COG6: variants seen among roughly 807,000 people sequenced by gnomAD.
COG6 encodes the protein component of oligomeric golgi complex 6.
Under a neutral mutation model 88.8 loss-of-function variants are expected in COG6, and 74 were observed. That is an observed-to-expected ratio of 0.83 (90% CI 0.69 to 1.01). The LOEUF is 1.01. COG6 is among the 50% of genes least tolerant of loss of function. The probability of loss-of-function intolerance (pLI) is 0.00; values close to 1 mark genes in which losing one functional copy is unlikely to be tolerated. For missense variants in COG6, 800 were observed against 797.9 expected, an observed-to-expected ratio of 1.00 and a Z score of -0.03; for synonymous variants, 286 against 278.7, an observed-to-expected ratio of 1.03 and a Z score of -0.26.
chr13:39,698,515 A>T (rs183511560), intron 12 of COG6, among the ~76,000 whole-genome samples: 1 of 151,946 alleles, frequency 6.6e-6, no homozygotes, highest in Non-Finnish European at 1.5e-5. Context: ...CTATGTAAGA[A>T]TTTACCTAAT....
At chr13:39,779,129 T>G (rs1881554245) in intron 18 of COG6, among the ~76,000 whole-genome samples, 1 of 152,192 alleles carries the variant, frequency 6.6e-6, no homozygotes, top group Non-Finnish European at 1.5e-5. Flanking sequence ...AGCTTTATGC[T>G]CCAATTTTTT....
intron 13 of COG6, among the ~76,000 whole-genome samples, chr13:39,701,095 T>A (rs534697603): frequency 2.0e-5 from 3 of 152,016 alleles, no homozygotes; most frequent in African/African-American, 7.2e-5. Context: ...TGAAACTGTT[T>A]TTATTCATAC....
intron 13 of COG6, among the ~76,000 whole-genome samples, chr13:39,712,703 C>T (rs1878308508): frequency 6.6e-6 from 1 of 152,152 alleles, no homozygotes; most frequent in African/African-American, 2.4e-5. Context: ...AGGGAGTATG[C>T]TTTGAATATA....
At chr13:39,692,487 C>T (rs943591161) in intron 11 of COG6, among the ~76,000 whole-genome samples, 3 of 151,948 alleles carry the variant, frequency 2.0e-5, no homozygotes, top group African/African-American at 7.2e-5. Flanking sequence ...GAATATTGTA[C>T]ACAATATAGT....
intron 18 of COG6, among the ~76,000 whole-genome samples, chr13:39,747,616 G>A (rs1880411769): frequency 6.6e-6 from 1 of 151,866 alleles, no homozygotes; most frequent in Admixed American, 6.6e-5. Flanking sequence ...AATTTAAAAT[G>A]AATTTTAAAC....
In COG6 at chr13:39,718,301, C is replaced by T. The variant is rs559219515; in HGVS notation, c.1285-935C>T. ...CATGAAACCATCTTATAATAAATGC[C>T]GATATTTGAAAATTCTTACACCTTT... is the stretch of plus-strand genomic sequence containing the variant. On this transcript the variant is annotated intron_variant, in intron 13 of 18. Coordinates refer to ENST00000455146, the MANE Select transcript of COG6 (RefSeq NM_020751.3). Among the ~76,000 whole-genome samples the T allele has an allele frequency of 7.1e-4, 108 of 151,946 alleles. 1 individual carries two copies. Among genetic ancestry groups the T allele is most frequent in the Non-Finnish European group, 1.1e-3 (72 of 67,958 alleles).
chr13:39,748,938 A>G (rs147445894), intron 18 of COG6, among the ~76,000 whole-genome samples: 1 of 152,338 alleles, frequency 6.6e-6, no homozygotes, highest in Admixed American at 6.5e-5. Flanking sequence ...ACAGATGCAT[A>G]TATTTCCACA....
intron 10 of COG6, among the ~76,000 whole-genome samples, chr13:39,688,691 A>C (rs972145374): frequency 1.7e-4 from 26 of 152,172 alleles, no homozygotes; most frequent in African/African-American, 6.0e-4. Flanking sequence ...TATGTACTAA[A>C]TGTACTTAAA....
rs1876188702 is a variant in COG6, at chr13:39,679,607, C to A, written c.610C>A (p.Gln204Lys). The A allele has an allele frequency of 1.3e-6, 2 of 1,594,980 alleles. No individual in the cohort carries two copies. Among genetic ancestry groups the A allele is most frequent in the Non-Finnish European group, 1.7e-6 (2 of 1,162,776 alleles). ...NDVKVLLRTN[Q>K]QTAGLEIMEQ... Reference sequence around the variant, plus strand: ...TGTCAAAGTTCTCTTGCGTACAAATCAACAAACGGCAGGGTGAGTAACTGC... The same window carrying A: ...TGTCAAAGTTCTCTTGCGTACAAATAAACAAACGGCAGGGTGAGTAACTGC... The change falls in exon 6 of 19, where the codon CAA (glutamine) becomes AAA (lysine). Residue 204 changes from glutamine to lysine, a missense_variant. Gln to Lys is a moderately conservative substitution (Grantham distance 53). Coordinates refer to ENST00000455146, the MANE Select transcript of COG6 (RefSeq NM_020751.3).
chr13:39,756,915 C>CA (rs1432278954), downstream of COG6, among the ~76,000 whole-genome samples: 3 of 151,940 alleles, frequency 2.0e-5, no homozygotes, highest in African/African-American at 4.8e-5. Context: ...GGACGCTAGA[C>CA]AAAAAAATCA....
intron 18 of COG6, among the ~76,000 whole-genome samples, chr13:39,768,538 A>G (rs1336097305): frequency 6.6e-6 from 1 of 152,216 alleles, no homozygotes; most frequent in Non-Finnish European, 1.5e-5. Flanking sequence ...ACAAACCTGG[A>G]TAATCATAGC....
intron 1 of COG6, among the ~76,000 whole-genome samples, chr13:39,658,177 CTG>C (rs774366524): frequency 1.4e-4 from 21 of 147,418 alleles, no homozygotes; most frequent in African/African-American, 4.8e-4. Flanking sequence ...AAGTCTCACT[CTG>C]TCGCCCAGGC....
intron 18 of COG6, among the ~76,000 whole-genome samples, chr13:39,758,306 G>A (rs1880910740): frequency 2.0e-5 from 3 of 151,814 alleles, no homozygotes; most frequent in Non-Finnish European, 4.4e-5. Flanking sequence ...ATTGCTGGAG[G>A]CCAGGAATTC....
intron 6 of COG6, 153 bp downstream of exon 6, chr13:39,679,773 G>A (rs1401432096): frequency 2.8e-6 from 2 of 711,530 alleles, no homozygotes; most frequent in Admixed American, 2.1e-5. Context: ...TACTCTGACA[G>A]GTTTAGGCTA....
chr13:39,769,505 G>A lies in COG6; in HGVS notation c.1827-18830G>A, dbSNP rs144990747. 3.5e-3 allele frequency among the ~76,000 whole-genome samples: 536 copies of A among 152,254 alleles called. 4 individuals carry two copies. Among genetic ancestry groups the A allele is most frequent in the African/African-American group, 0.012 (512 of 41,526 alleles). ...AGTAGGAATTATAAATTGCATTAAG[G>A]TATAGGTTTATTGTGAGAACTAAAA... On this transcript the variant is annotated intron_variant, in intron 18 of 18. Coordinates refer to the COG6 transcript ENST00000416691.
intron 18 of COG6, among the ~76,000 whole-genome samples, chr13:39,767,447 G>C (rs553450782): frequency 1.3e-5 from 2 of 152,160 alleles, no homozygotes; most frequent in Non-Finnish European, 1.5e-5. Flanking sequence ...GAGGTGAGTA[G>C]GTGACATTTT....
intron 5 of COG6, among the ~76,000 whole-genome samples, chr13:39,679,061 C>A (rs1876147113): frequency 6.6e-6 from 1 of 152,126 alleles, no homozygotes; most frequent in African/African-American, 2.4e-5. Flanking sequence ...AGTTTGGCAT[C>A]TGTCACCTCC....
chr13:39,758,112 C>T (rs1055723185), intron 18 of COG6, among the ~76,000 whole-genome samples: 5 of 148,128 alleles, frequency 3.4e-5, no homozygotes, highest in African/African-American at 5.0e-5. Context: ...CCCAGCTACT[C>T]GGGAGGCTGA....
chr13:39,727,499 GACA>G lies in COG6; in HGVS notation c.1780_1782del (p.Asn594del). On this transcript the variant is annotated inframe_deletion, in exon 18 of 19. Transcript: ENST00000455146. Reference sequence around the variant, plus strand: ...GTTTGATCGTTATCTGTCAGCCCCAGACAACCTATTGATACCACAGCTGAACTT... The same window carrying G: ...GTTTGATCGTTATCTGTCAGCCCCAGACCTATTGATACCACAGCTGAACTT... The G allele has an allele frequency of 6.2e-7, 1 of 1,613,408 alleles. No homozygotes were observed. The highest frequency in any genetic ancestry group is 8.5e-7 in the Non-Finnish European group (1 of 1,179,526).
Sources: gnomAD v4.1 joint callset for allele counts (sites outside exome capture counted in the v4.1 genomes callset) on GRCh38, gnomAD v4.1.1 for gene constraint, MANE v1.5 for transcripts, NCBI Gene and HGNC (gene_info 2026-07-23, HGNC 2026-07-21) for gene names.